Variants in TMEFF1 observed in about 807,000 individuals in gnomAD.
TMEFF1 encodes transmembrane protein with EGF like and two follistatin like domains 1.
Under a neutral mutation model 47.5 loss-of-function variants are expected in TMEFF1, and 20 were observed. The observed-to-expected ratio is 0.42, with a 90% confidence interval of 0.30 to 0.61. The LOEUF (loss-of-function observed/expected upper bound fraction) is 0.61, where lower values mean the gene tolerates loss of function less well. Ranked by LOEUF, TMEFF1 falls within the 20% of genes least tolerant of loss-of-function variation. The probability of loss-of-function intolerance (pLI) is 0.19; values close to 1 mark genes in which losing one functional copy is unlikely to be tolerated. For missense variants in TMEFF1, 411 were observed against 471.1 expected (o/e 0.87, Z 1.18); for synonymous variants, 162 against 166.3 (o/e 0.97, Z 0.20).
At chr9:100,507,489 C>T (rs980297826) in intron 2 of TMEFF1, among the ~76,000 whole-genome samples, 7 of 152,136 alleles carry the variant, frequency 4.6e-5, no homozygotes, top group African/African-American at 1.7e-4. Flanking sequence ...GTAGCATTCC[C>T]TTTTCTTTGC....
chr9:100,529,739 G>C (rs993934993), intron 5 of TMEFF1, among the ~76,000 whole-genome samples: 1 of 151,938 alleles, frequency 6.6e-6, no homozygotes, highest in African/African-American at 2.4e-5. Context: ...TGCACCAAGC[G>C]GACCTAATAG....
At chr9:100,512,559 G>T (rs903264929) in intron 3 of TMEFF1, among the ~76,000 whole-genome samples, 1 of 152,098 alleles carries the variant, frequency 6.6e-6, no homozygotes, top group Non-Finnish European at 1.5e-5. Context: ...AAATGACTCT[G>T]TGCTGATGAT....
At chr9:100,515,735 T>G (rs1468600437) in intron 4 of TMEFF1, among the ~76,000 whole-genome samples, 1 of 151,798 alleles carries the variant, frequency 6.6e-6, no homozygotes, top group Non-Finnish European at 1.5e-5. Context: ...CAAGTGATTC[T>G]CCAGGCTGAG....
chr9:100,535,604 C>T (rs1021228789), intron 5 of TMEFF1, among the ~76,000 whole-genome samples: 1 of 152,172 alleles, frequency 6.6e-6, no homozygotes, highest in African/African-American at 2.4e-5. Flanking sequence ...AACCCTGCCT[C>T]TACCAAAAAT....
intron 1 of TMEFF1, among the ~76,000 whole-genome samples, chr9:100,483,957 T>C (rs1305519691): frequency 6.6e-6 from 1 of 152,200 alleles, no homozygotes. Context: ...AGTTTTTCAG[T>C]TTTTCTTATA....
intron 1 of TMEFF1, among the ~76,000 whole-genome samples, chr9:100,489,775 C>T (rs932792525): frequency 6.6e-6 from 1 of 152,156 alleles, no homozygotes; most frequent in South Asian, 2.1e-4. Context: ...TTTTAATAAC[C>T]GCACCATAAC....
intron 5 of TMEFF1, among the ~76,000 whole-genome samples, chr9:100,534,329 T>C (rs1426068655): frequency 6.6e-6 from 1 of 152,234 alleles, no homozygotes; most frequent in Non-Finnish European, 1.5e-5. Context: ...ATTTCCTTCA[T>C]ATTCAGTTTC....
chr9:100,558,751 T>C (rs1036171256), intron 7 of TMEFF1, among the ~76,000 whole-genome samples: 6 of 152,034 alleles, frequency 3.9e-5, no homozygotes, highest in African/African-American at 1.4e-4. Flanking sequence ...AATTTATTCA[T>C]TTAACAAACA....
Position 100,473,957 on chromosome 9 carries a change from C to T in TMEFF1, c.196+217C>T, listed in dbSNP as rs966144917. On this transcript the variant is annotated intron_variant, in intron 1 of 9. Transcript: ENST00000374879. The surrounding 1 kb of genome is among the most constrained non-coding windows in gnomAD (Gnocchi z 5.4). ...TGGCCGTGGGTGCGTCCGAGTGTGT[C>T]GAGTGGCTGGGCGAGGGCGGCCCGG... 6.6e-6 allele frequency among the ~76,000 whole-genome samples: 1 copy of T among 151,400 alleles called. No homozygotes were observed. The highest frequency in any genetic ancestry group is 1.5e-5 in the Non-Finnish European group (1 of 67,832).
chr9:100,555,617 C>G (rs1333150455), intron 7 of TMEFF1, among the ~76,000 whole-genome samples: 1 of 152,150 alleles, frequency 6.6e-6, no homozygotes, highest in African/African-American at 2.4e-5. Context: ...TACCTAAGAT[C>G]ACTATGAATA....
At chr9:100,570,589 T>C (rs939597974) in intron 8 of TMEFF1, among the ~76,000 whole-genome samples, 2 of 152,010 alleles carry the variant, frequency 1.3e-5, no homozygotes, top group Non-Finnish European at 2.9e-5. Flanking sequence ...TGACCATAGA[T>C]GTATGGGTTT....
At chr9:100,525,769 C>A (rs575429526) in intron 5 of TMEFF1, among the ~76,000 whole-genome samples, 1 of 152,114 alleles carries the variant, frequency 6.6e-6, no homozygotes, top group South Asian at 2.1e-4. Context: ...TGCCCCCTCA[C>A]CCCATGAGTC....
intron 1 of TMEFF1, among the ~76,000 whole-genome samples, chr9:100,480,907 G>A (rs972521078): frequency 6.6e-6 from 1 of 152,204 alleles, no homozygotes; most frequent in African/African-American, 2.4e-5. Flanking sequence ...GGTGTCATGG[G>A]AATGTGTAAT....
chr9:100,566,849 C>T (rs187916802), intron 8 of TMEFF1, among the ~76,000 whole-genome samples: 15 of 152,088 alleles, frequency 9.9e-5, no homozygotes, highest in African/African-American at 3.4e-4. Flanking sequence ...GGATTACAGG[C>T]GTGCACCACC....
At chr9:100,521,409 T>C (rs1838157940) in intron 5 of TMEFF1, among the ~76,000 whole-genome samples, 2 of 152,206 alleles carry the variant, frequency 1.3e-5, no homozygotes, top group South Asian at 2.1e-4. Flanking sequence ...GAAATATGAC[T>C]CCCCACATAA....
At chr9:100,486,107 C>A (rs1487863957) in intron 1 of TMEFF1, among the ~76,000 whole-genome samples, 1 of 151,540 alleles carries the variant, frequency 6.6e-6, no homozygotes, top group Non-Finnish European at 1.5e-5. Context: ...AAAACCCACA[C>A]CTTTTTTCTT....
chr9:100,525,763 C>T (rs1158440314), intron 5 of TMEFF1, among the ~76,000 whole-genome samples: 1 of 152,064 alleles, frequency 6.6e-6, no homozygotes, highest in Non-Finnish European at 1.5e-5. Flanking sequence ...ACTCCCTGCC[C>T]CCTCACCCCA....
At chr9:100,574,398 T>C (rs1007532262) in intron 9 of TMEFF1, among the ~76,000 whole-genome samples, 16 of 152,134 alleles carry the variant, frequency 1.1e-4, no homozygotes, top group Non-Finnish European at 2.1e-4. Context: ...ATAGTGCCTT[T>C]ATTTGAGACA....
intron 1 of TMEFF1, among the ~76,000 whole-genome samples, chr9:100,482,360 G>A (rs545505908): frequency 6.8e-4 from 103 of 152,036 alleles, no homozygotes; most frequent in African/African-American, 2.4e-3. Context: ...ACCACGCCTG[G>A]CTAATTTTTG....
Sources: allele counts gnomAD v4.1 joint callset (sites outside exome capture counted in the v4.1 genomes callset), GRCh38; gene constraint gnomAD v4.1.1; non-coding constraint Gnocchi (gnomAD v3.1); transcripts MANE v1.5; gene names NCBI Gene and HGNC (gene_info 2026-07-23, HGNC 2026-07-21).